Variants in DCDC1 observed in about 807,000 individuals in gnomAD.
The protein encoded by DCDC1 is doublecortin domain-containing protein 1.
In DCDC1, 200 loss-of-function variants were observed where a neutral mutation model predicts 178.3. That is an observed-to-expected ratio of 1.12 (90% confidence interval 1.00 to 1.26). The LOEUF (loss-of-function observed/expected upper bound fraction) is 1.26. DCDC1 is among the 50% of genes most tolerant of loss of function. The pLI is 0.00. For synonymous variants in DCDC1, 690 were observed against 604.8 expected, an observed-to-expected ratio of 1.14 and a Z score of -2.07; for missense variants, 1,983 against 1,749.2, an observed-to-expected ratio of 1.13 and a Z score of -2.38.
intron 9 of DCDC1, among the ~76,000 whole-genome samples, chr11:31,165,935 T>C (rs1267593068): frequency 6.6e-6 from 1 of 152,186 alleles, no homozygotes; most frequent in Non-Finnish European, 1.5e-5. Context: ...GTGCTTACCA[T>C]GTCTAAAATT....
chr11:30,994,032 T>C (rs1951120444), intron 20 of DCDC1, among the ~76,000 whole-genome samples: 1 of 152,060 alleles, frequency 6.6e-6, no homozygotes, highest in Non-Finnish European at 1.5e-5. Flanking sequence ...CTCATGGACA[T>C]AGATACAAAA....
At chr11:31,347,597 T>C (rs181632310) in intron 1 of DCDC1, among the ~76,000 whole-genome samples, 2 of 152,268 alleles carry the variant, frequency 1.3e-5, no homozygotes, top group Admixed American at 6.5e-5. Flanking sequence ...ACTCTTATAA[T>C]AGGATGTGAG....
chr11:31,066,880 G>A (rs1029874101), intron 18 of DCDC1, among the ~76,000 whole-genome samples: 2 of 152,172 alleles, frequency 1.3e-5, no homozygotes, highest in African/African-American at 4.8e-5. Context: ...TGATGTGTCA[G>A]TGTAGGTTCA....
At chr11:31,346,321 C>T (rs562675205) in intron 1 of DCDC1, among the ~76,000 whole-genome samples, 20 of 151,522 alleles carry the variant, frequency 1.3e-4, no homozygotes, top group Admixed American at 3.9e-4. Context: ...AAAATTAGCC[C>T]GGCATGGTGG....
chr11:30,881,178 T>G lies in DCDC1; in HGVS notation c.5213A>C (p.His1738Pro). The G allele has an allele frequency of 6.2e-7, 1 of 1,613,294 alleles. No homozygotes were observed. Among genetic ancestry groups the G allele is most frequent in the Non-Finnish European group, 8.5e-7 (1 of 1,179,458 alleles). ...CATACCTTTTGGGGTTTTGAAACCA[T>G]GTCCCATAGACACACAGATGACCAT... Reference protein sequence around the residue: ...RDMVICVSMGHGFKTPKELKQ... With the variant: ...RDMVICVSMGPGFKTPKELKQ... The change falls in exon 37 of 39, where the codon CAT becomes CCT. Residue 1738 changes from histidine to proline, a missense_variant. By Grantham distance (77) the His-to-Pro change is moderately conservative. Transcript: ENST00000684477.
At chr11:31,067,155 AC>A (rs1227461422) in intron 18 of DCDC1, among the ~76,000 whole-genome samples, 1 of 152,202 alleles carries the variant, frequency 6.6e-6, no homozygotes. Flanking sequence ...AAGTAAAAAA[AC>A]AACCTACAGA....
At chr11:31,139,684 GA>G (rs1452526384) in intron 9 of DCDC1, among the ~76,000 whole-genome samples, 1 of 152,102 alleles carries the variant, frequency 6.6e-6, no homozygotes, top group Non-Finnish European at 1.5e-5. Context: ...TCAGGGCCAT[GA>G]CATTTAGAAC....
chr11:31,327,626 T>C (rs1399530812), intron 3 of DCDC1, among the ~76,000 whole-genome samples: 2 of 152,202 alleles, frequency 1.3e-5, no homozygotes, highest in Non-Finnish European at 2.9e-5. Context: ...TTGCATCATC[T>C]ACATTTTTTC....
At chr11:31,206,028 C>A (rs867071716) in intron 9 of DCDC1, among the ~76,000 whole-genome samples, 1 of 152,242 alleles carries the variant, frequency 6.6e-6, no homozygotes, top group African/African-American at 2.4e-5. Context: ...CTGTCCCCAA[C>A]GACCATGAAC....
Position 30,925,367 on chromosome 11 carries a change from A to G in DCDC1, c.2939T>C (p.Leu980Ser), listed in dbSNP as rs775235358. Reference sequence around the variant, plus strand: ...TATTTCCTTCCCCTTTTCATTGTACAATCTCCGAGCTGCAGAAGGTAAATT... The same window carrying G: ...TATTTCCTTCCCCTTTTCATTGTACGATCTCCGAGCTGCAGAAGGTAAATT... ...ILNLPSAARR[L>S]YNEKGKEIFA... Residue 980 changes from leucine (L) to serine (S), a missense_variant, in exon 23 of 39, where the codon TTG (leucine) becomes TCG (serine). Leu to Ser is a moderately radical substitution (Grantham distance 145). Transcript: ENST00000684477. The G allele has an allele frequency of 1.8e-5, 29 of 1,613,664 alleles. No homozygotes were observed. The highest frequency in any genetic ancestry group is 2.4e-5 in the Non-Finnish European group (28 of 1,179,802).
intron 9 of DCDC1, among the ~76,000 whole-genome samples, chr11:31,203,554 T>A (rs1265646185): frequency 2.6e-5 from 4 of 152,176 alleles, no homozygotes; most frequent in Admixed American, 6.5e-5. Context: ...TTCTCACTAC[T>A]ACCCAGGGGC....
chr11:31,285,926 TTCTAA>T (rs1474925202), intron 7 of DCDC1, among the ~76,000 whole-genome samples: 1 of 152,144 alleles, frequency 6.6e-6, no homozygotes, highest in African/African-American at 2.4e-5. Context: ...CCTACACTCA[TTCTAA>T]TCTAACAACT....
intron 20 of DCDC1, among the ~76,000 whole-genome samples, chr11:31,032,531 T>C (rs1004714909): frequency 1.1e-4 from 17 of 151,824 alleles, no homozygotes; most frequent in African/African-American, 4.1e-4. Context: ...TATACAATTA[T>C]GATACATACA....
Position 31,102,283 on chromosome 11 carries a change from C to A in DCDC1, c.1878-1G>T. 2 of 687,054 alleles carry A rather than the reference C, an allele frequency of 2.9e-6. No homozygotes were observed. The highest frequency in any genetic ancestry group is 2.6e-5 in the East Asian group (1 of 38,760). 42.6% of individuals were successfully genotyped at this position (687,054 alleles called of 1,614,324 possible). A position where few individuals can be genotyped will look rare whatever the true frequency, so the allele number is the denominator to read the frequency against. On this transcript the variant is annotated splice_acceptor_variant, in intron 14 of 38. Coordinates refer to ENST00000684477, the MANE Select transcript of DCDC1 (RefSeq NM_001387274.1). LOFTEE classifies it high-confidence loss of function. ...TGGAAATCCCTCACAAACTTCCCAA[C>A]TAAGAAAAGTAAAATACGTAATTAT...
At chr11:30,875,164 C>A (rs1402166349) in intron 38 of DCDC1, among the ~76,000 whole-genome samples, 1 of 152,174 alleles carries the variant, frequency 6.6e-6, no homozygotes, top group African/African-American at 2.4e-5. Flanking sequence ...CACGGTCAGT[C>A]CATTTATTTT....
chr11:31,240,590 T>A (rs1294246558), intron 9 of DCDC1, among the ~76,000 whole-genome samples: 2 of 152,012 alleles, frequency 1.3e-5, no homozygotes, highest in African/African-American at 4.8e-5. Flanking sequence ...CATGATGCTT[T>A]CAAAATATTC....
At chr11:31,124,638 C>T (rs1961333644) in intron 11 of DCDC1, among the ~76,000 whole-genome samples, 1 of 152,116 alleles carries the variant, frequency 6.6e-6, no homozygotes, top group African/African-American at 2.4e-5. Flanking sequence ...CACACACCTA[C>T]AACTATCTGA....
intron 21 of DCDC1, among the ~76,000 whole-genome samples, chr11:30,932,577 C>T (rs1249173465): frequency 6.6e-6 from 1 of 152,132 alleles, no homozygotes; most frequent in Non-Finnish European, 1.5e-5. Context: ...ATGAACCACA[C>T]AAGATACTCT....
At chr11:30,992,005 T>C (rs1951016639) in intron 20 of DCDC1, among the ~76,000 whole-genome samples, 1 of 152,216 alleles carries the variant, frequency 6.6e-6, no homozygotes, top group African/African-American at 2.4e-5. Flanking sequence ...CACTTCTGTG[T>C]TGTTGAGAAA....
Sources: gnomAD v4.1 joint callset for allele counts (sites outside exome capture counted in the v4.1 genomes callset) on GRCh38, gnomAD v4.1.1 for gene constraint, MANE v1.5 for transcripts, NCBI Gene and HGNC (gene_info 2026-07-23, HGNC 2026-07-21) for gene names.